The following SMC5 variants were observed in gnomAD, a reference collection of about 807,000 sequenced individuals.
The protein encoded by SMC5 is structural maintenance of chromosomes protein 5.
SMC5 carries 88 observed loss-of-function variants against 148.3 expected under a neutral mutation model. The observed-to-expected ratio is 0.59, with a 90% CI of 0.50 to 0.71. SMC5 has a LOEUF of 0.71. Among genes scored for constraint, SMC5 ranks in the 30% least tolerant of loss-of-function variants. The probability of loss-of-function intolerance (pLI) is 0.00; values close to 1 mark genes in which losing one functional copy is unlikely to be tolerated. For synonymous variants in SMC5, 421 were observed against 432.8 expected (o/e 0.97, Z 0.34); for missense variants, 1,142 against 1,298.9 (o/e 0.88, Z 1.86).
At chr9:70,301,188 A>G (rs1362569774) in intron 10 of SMC5, among the ~76,000 whole-genome samples, 1 of 152,148 alleles carries the variant, frequency 6.6e-6, no homozygotes, top group Non-Finnish European at 1.5e-5. Flanking sequence ...AAATATTGTG[A>G]CCCTTATAAA....
chr9:70,295,213 C>G (rs2035164487), intron 8 of SMC5, among the ~76,000 whole-genome samples: 1 of 151,682 alleles, frequency 6.6e-6, no homozygotes, highest in Non-Finnish European at 1.5e-5. Context: ...CACCTGTAAT[C>G]CCAGCACTTC....
chr9:70,343,301 T>C (rs905600603), intron 17 of SMC5, among the ~76,000 whole-genome samples: 6 of 152,346 alleles, frequency 3.9e-5, no homozygotes, highest in Non-Finnish European at 7.3e-5. Context: ...AATGATCCTG[T>C]GTCCTTATTC....
At chr9:70,347,275 A>T (rs2036688727) in intron 20 of SMC5, 114 bp downstream of exon 20, 2 of 709,386 alleles carry the variant, frequency 2.8e-6, no homozygotes, top group Admixed American at 6.1e-5. Context: ...TCTGTACTAG[A>T]GCTCTTGGTA....
intron 17 of SMC5, among the ~76,000 whole-genome samples, chr9:70,333,828 T>A (rs76582082): frequency 0.035 from 5,329 of 152,270 alleles, 126 homozygotes; most frequent in Non-Finnish European, 0.054. Context: ...TGAGAGAAAT[T>A]AAATACATGG....
chr9:70,340,022 A>C (rs1176071947), intron 17 of SMC5, among the ~76,000 whole-genome samples: 2 of 152,186 alleles, frequency 1.3e-5, no homozygotes, highest in African/African-American at 4.8e-5. Context: ...AGCCATAAGT[A>C]TGATACCTAC....
Position 70,278,576 on chromosome 9 carries a change from A to C in SMC5, c.629A>C (p.Lys210Thr), listed in dbSNP as rs532380112. ...TCAATTGGTCCCCCAGAAATGCACA[A>C]ATATCACTGTGAACTCAAAAACTTA... Reference protein sequence around the residue: ...EKSIGPPEMHKYHCELKNLRE... With the variant: ...EKSIGPPEMHTYHCELKNLRE... Residue 210 changes from lysine to threonine, a missense_variant, in exon 5 of 25, where the codon AAA becomes ACA. Transcript: ENST00000361138. 10 of 1,612,064 alleles carry C rather than the reference A, an allele frequency of 6.2e-6. No homozygotes were observed. The highest frequency in any genetic ancestry group is 8.5e-6 in the Non-Finnish European group (10 of 1,179,370).
At chr9:70,311,710 A>C (rs2035662893) in intron 11 of SMC5, 1 of 152,100 alleles carries the variant, frequency 6.6e-6, no homozygotes, top group Non-Finnish European at 1.5e-5. Context: ...CCAAAAAAAA[A>C]AAAAAATGTT....
At chr9:70,323,430 G>A in intron 15 of SMC5, 53 bp from the exon 16 acceptor site, 1 of 1,498,126 alleles carries the variant, frequency 6.7e-7, no homozygotes, top group African/African-American at 1.4e-5. Context: ...AAGAATTTGG[G>A]ATCAATTCTT....
chr9:70,313,352 C>T (rs12380844), intron 11 of SMC5, among the ~76,000 whole-genome samples: 32,148 of 151,980 alleles, frequency 0.21, 3,534 homozygotes, highest in South Asian at 0.28. Flanking sequence ...TTTTCTTGAA[C>T]GTGTGTATAT....
chr9:70,351,893 T>C (rs1306896379), intron 24 of SMC5, among the ~76,000 whole-genome samples: 1 of 152,028 alleles, frequency 6.6e-6, no homozygotes, highest in African/African-American at 2.4e-5. Flanking sequence ...CTGGCCAACA[T>C]GGTGAAACCC....
intron 8 of SMC5, 53 bp from the exon 9 acceptor site, chr9:70,297,913 T>A (rs886141409): frequency 2.6e-6 from 4 of 1,561,582 alleles, no homozygotes; most frequent in Non-Finnish European, 3.4e-6. Context: ...ACAGAAGTCT[T>A]ATAAACCAAG....
intron 17 of SMC5, among the ~76,000 whole-genome samples, chr9:70,337,607 C>T (rs1477141074): frequency 2.6e-5 from 4 of 151,932 alleles, no homozygotes; most frequent in Non-Finnish European, 4.4e-5. Context: ...AGGCGAGCGC[C>T]GCCACACCCT....
intron 17 of SMC5, among the ~76,000 whole-genome samples, chr9:70,328,340 A>T (rs1458801908): frequency 6.6e-6 from 1 of 152,200 alleles, no homozygotes; most frequent in Admixed American, 6.5e-5. Flanking sequence ...TAAAATCAAA[A>T]ACAAGCTAGT....
At chr9:70,339,799 G>T (rs1011077410) in intron 17 of SMC5, among the ~76,000 whole-genome samples, 16 of 152,290 alleles carry the variant, frequency 1.1e-4, no homozygotes, top group Admixed American at 4.6e-4. Context: ...TTTTTGGAAG[G>T]TAAATAGGGC....
chr9:70,280,359 A>C (rs1447791994), intron 5 of SMC5, among the ~76,000 whole-genome samples: 1 of 152,100 alleles, frequency 6.6e-6, no homozygotes, highest in Non-Finnish European at 1.5e-5. Context: ...TAACATCCTA[A>C]TCCTAGTATT....
Position 70,314,493 on chromosome 9 carries a change from A to C in SMC5, c.1579-249A>C, listed in dbSNP as rs144124478. Among the ~76,000 whole-genome samples the C allele has an allele frequency of 3.9e-4, 60 of 152,164 alleles. 1 individual carries two copies. The highest frequency in any genetic ancestry group is 1.4e-3 in the African/African-American group (57 of 41,500). ...TCTCCCTTCTGTATCATTTTGAAGT[A>C]ATTCCCAGACATTCTGTTTCACCTG... On this transcript the variant is annotated intron_variant, in intron 11 of 24. Coordinates refer to ENST00000361138, the MANE Select transcript of SMC5 (RefSeq NM_015110.4).
intron 18 of SMC5, among the ~76,000 whole-genome samples, chr9:70,345,681 A>C (rs1170502727): frequency 6.6e-6 from 1 of 152,022 alleles, no homozygotes; most frequent in Non-Finnish European, 1.5e-5. Flanking sequence ...AAGATTATGT[A>C]GGCCTTGTAG....
At chr9:70,291,402 G>A (rs902218059) in intron 8 of SMC5, among the ~76,000 whole-genome samples, 3 of 152,176 alleles carry the variant, frequency 2.0e-5, no homozygotes, top group Non-Finnish European at 4.4e-5. Flanking sequence ...CTCAGCCTTC[G>A]CTTCCTATTT....
intron 2 of SMC5, among the ~76,000 whole-genome samples, chr9:70,265,156 A>G (rs1180104): frequency 0.21 from 32,159 of 152,122 alleles, 3,536 homozygotes; most frequent in South Asian, 0.28. Flanking sequence ...GATAAGAAAC[A>G]GATACAAAAA....
Sources: gnomAD v4.1 joint callset for allele counts (sites outside exome capture counted in the v4.1 genomes callset) on GRCh38, gnomAD v4.1.1 for gene constraint, MANE v1.5 for transcripts, NCBI Gene and HGNC (gene_info 2026-07-23, HGNC 2026-07-21) for gene names.